The following LRRC37A2 variants were observed in gnomAD, a reference collection of about 807,000 sequenced individuals.
LRRC37A2 encodes leucine-rich repeat-containing protein 37A2.
Under a neutral mutation model 68.8 loss-of-function variants are expected in LRRC37A2, and 9 were observed. The ratio of observed to expected loss-of-function variants is 0.13; its 90% confidence interval spans 0.08 to 0.23. LRRC37A2 has a LOEUF of 0.23. Ranked by LOEUF, LRRC37A2 falls within the 10% of genes least tolerant of loss-of-function variation. LRRC37A2 has a pLI of 1.00. For synonymous variants in LRRC37A2, 63 were observed against 367.6 expected (o/e 0.17, Z 9.48); for missense variants, 168 against 950.4 (o/e 0.18, Z 10.82).
the LRRC37A2 span, among the ~76,000 whole-genome samples, chr17:46,917,006 C>T: frequency 6.0e-3 from 912 of 152,280 alleles, 4 homozygotes; most frequent in African/African-American, 0.021. Flanking sequence ...AAGGCCCCAC[C>T]TTTCAGTACT....
At chr17:46,930,186 T>C in the LRRC37A2 span, 3 of 153,332 alleles carry the variant, frequency 2.0e-5, no homozygotes, top group Non-Finnish European at 2.9e-5. Flanking sequence ...ATGTCTCCTT[T>C]CGCAGCTTCA....
At chr17:46,679,704 AAAG>A in the LRRC37A2 span, among the ~76,000 whole-genome samples, 2 of 151,692 alleles carry the variant, frequency 1.3e-5, no homozygotes, top group Admixed American at 6.6e-5. Context: ...AAAAAAAAAA[AAAG>A]AAGCTAATAA....
At chr17:46,810,255 G>A in the LRRC37A2 span, among the ~76,000 whole-genome samples, 7 of 152,000 alleles carry the variant, frequency 4.6e-5, no homozygotes, top group Non-Finnish European at 1.0e-4. Context: ...TGATCCACCC[G>A]CCTCGGCCTC....
the LRRC37A2 span, among the ~76,000 whole-genome samples, chr17:46,838,775 C>A: frequency 6.6e-6 from 1 of 152,032 alleles, no homozygotes; most frequent in Non-Finnish European, 1.5e-5. Flanking sequence ...CCATAAAAAT[C>A]CGGGTTTACA....
the LRRC37A2 span, among the ~76,000 whole-genome samples, chr17:47,012,591 A>G: frequency 2.0e-5 from 3 of 152,250 alleles, no homozygotes; most frequent in South Asian, 6.2e-4. Context: ...CTATTTTCCC[A>G]AAGATATACA....
the LRRC37A2 span, among the ~76,000 whole-genome samples, chr17:46,865,869 C>G: frequency 6.6e-6 from 1 of 152,136 alleles, no homozygotes; most frequent in African/African-American, 2.4e-5. Context: ...GCCTTGACTT[C>G]CCAAAGTGCT....
the LRRC37A2 span, chr17:46,930,649 T>C: frequency 1.8e-5 from 2 of 112,786 alleles, no homozygotes; most frequent in Non-Finnish European, 3.3e-5. Context: ...CCTTCCTTTA[T>C]GCTTTTTTTT....
At chr17:46,416,316 C>T in the LRRC37A2 span, among the ~76,000 whole-genome samples, 2 of 45,792 alleles carry the variant, frequency 4.4e-5, no homozygotes, top group African/African-American at 6.4e-5. Context: ...GACAGAGTTT[C>T]ACTCTTGTTG....
the LRRC37A2 span, among the ~76,000 whole-genome samples, chr17:46,856,255 G>A: frequency 2.0e-5 from 3 of 152,150 alleles, no homozygotes; most frequent in African/African-American, 4.8e-5. Flanking sequence ...ATACCTATCT[G>A]AGAGGTGAGG....
the LRRC37A2 span, among the ~76,000 whole-genome samples, chr17:46,947,609 C>G: frequency 2.0e-5 from 3 of 152,126 alleles, no homozygotes; most frequent in Non-Finnish European, 4.4e-5. Flanking sequence ...ATGGGGATGG[C>G]AGACATGGCT....
At chr17:46,908,614 C>T in the LRRC37A2 span, among the ~76,000 whole-genome samples, 4 of 152,174 alleles carry the variant, frequency 2.6e-5, no homozygotes, top group Non-Finnish European at 5.9e-5. Flanking sequence ...TGGACTTCTG[C>T]AGAGATGTGG....
At chr17:46,766,720 G>A in the LRRC37A2 span, among the ~76,000 whole-genome samples, 6 of 152,058 alleles carry the variant, frequency 3.9e-5, no homozygotes, top group Admixed American at 1.3e-4. Flanking sequence ...AGAGAGGCCC[G>A]TCCACTTCCC....
At chr17:46,966,256 G>A in the LRRC37A2 span, among the ~76,000 whole-genome samples, 1 of 152,188 alleles carries the variant, frequency 6.6e-6, no homozygotes. Context: ...ATGTAATTGA[G>A]AGTATGAAAT....
At chr17:46,813,923 C>T in the LRRC37A2 span, among the ~76,000 whole-genome samples, 1 of 152,220 alleles carries the variant, frequency 6.6e-6, no homozygotes, top group Non-Finnish European at 1.5e-5. Flanking sequence ...GTTTCTCCAC[C>T]TTTGTCAGTG....
At chr17:46,868,401 A>G in the LRRC37A2 span, among the ~76,000 whole-genome samples, 22 of 151,978 alleles carry the variant, frequency 1.4e-4, no homozygotes, top group Admixed American at 3.3e-4. Flanking sequence ...AGACCAGCCT[A>G]GCCAACATGG....
chr17:46,498,973 A>G, the LRRC37A2 span, among the ~76,000 whole-genome samples: 2 of 150,620 alleles, frequency 1.3e-5, no homozygotes, highest in African/African-American at 2.5e-5. Context: ...TGAGGATAAA[A>G]TGAAAGAATG....
At chr17:47,019,296 C>T in the LRRC37A2 span, 1 of 1,605,220 alleles carries the variant, frequency 6.2e-7, no homozygotes, top group South Asian at 1.1e-5. Flanking sequence ...GACACTTCCA[C>T]CTTCAGACAA....
the LRRC37A2 span, among the ~76,000 whole-genome samples, chr17:46,649,509 G>A: frequency 1.3e-5 from 2 of 151,666 alleles, no homozygotes; most frequent in Non-Finnish European, 2.9e-5. Context: ...TTGAGGAATC[G>A]AATTCCCATG....
At chr17:47,041,452 CTTTTTTTTTTT>C in the LRRC37A2 span, among the ~76,000 whole-genome samples, 6 of 36,470 alleles carry the variant, frequency 1.6e-4, no homozygotes, top group Non-Finnish European at 2.5e-4. Context: ...TTGGATGTCT[CTTTTTTTTTTT>C]TTTTTTTTTT....
Sources: allele counts gnomAD v4.1 joint callset (sites outside exome capture counted in the v4.1 genomes callset), GRCh38; gene constraint gnomAD v4.1.1; transcripts MANE v1.5; gene names NCBI Gene and HGNC (gene_info 2026-07-23, HGNC 2026-07-21).